FKBP6: variants seen among roughly 807,000 people sequenced by gnomAD.
FKBP6 encodes FKBP prolyl isomerase family member 6 (inactive), also known as inactive peptidyl-prolyl cis-trans isomerase FKBP6.
A neutral mutation model predicts 41.7 loss-of-function variants in FKBP6; 29 were observed. The observed-to-expected ratio is 0.70, with a 90% CI of 0.52 to 0.95. FKBP6 has a LOEUF of 0.95. FKBP6 is among the 40% of genes least tolerant of loss of function. The pLI is 0.00. For missense variants in FKBP6, 338 were observed against 408.7 expected, an observed-to-expected ratio of 0.83 and a Z score of 1.49; for synonymous variants, 130 against 165.1, an observed-to-expected ratio of 0.79 and a Z score of 1.63.
chr7:73,345,880 T>C (rs1240512976), intron 8 of FKBP6, among the ~76,000 whole-genome samples: 1 of 152,100 alleles, frequency 6.6e-6, no homozygotes, highest in Non-Finnish European at 1.5e-5. Context: ...TCCACGGGGC[T>C]GTGGGGCATC....
intron 5 of FKBP6, among the ~76,000 whole-genome samples, chr7:73,334,854 T>C (rs1273398486): frequency 3.9e-5 from 6 of 152,162 alleles, no homozygotes; most frequent in African/African-American, 1.2e-4. Flanking sequence ...AGTAGAGGCA[T>C]GCAAGCTAGG....
rs1804851146 is a variant in FKBP6, at chr7:73,331,742, A to G, written c.554A>G (p.Asn185Ser). 1 of 1,613,604 alleles carries G rather than the reference A, an allele frequency of 6.2e-7. No individual in the cohort carries two copies. Among genetic ancestry groups the G allele is most frequent in the African/African-American group, 1.3e-5 (1 of 75,024 alleles). ...REFGNYLFRQ[N>S]RFYDAKVRYK... is the part of the protein sequence containing the mutation. ...TTTGGCAACTACCTTTTCCGCCAGA[A>G]TCGTTTCTATGATGCCAAAGTGAGA... Residue 185 changes from asparagine (N) to serine (S), a missense_variant, in exon 5 of 9, where the codon AAT becomes AGT. Coordinates refer to ENST00000252037, the MANE Select transcript of FKBP6 (RefSeq NM_003602.5).
intron 8 of FKBP6, among the ~76,000 whole-genome samples, chr7:73,349,582 C>T (rs1415678077): frequency 3.4e-5 from 5 of 146,118 alleles, no homozygotes; most frequent in South Asian, 2.2e-4. Flanking sequence ...GGCGTGGTGG[C>T]GCACATCTGT....
intron 4 of FKBP6, 129 bp downstream of exon 4, chr7:73,330,481 G>T (rs1009031625): frequency 6.8e-6 from 5 of 733,242 alleles, no homozygotes; most frequent in Non-Finnish European, 1.2e-5. Flanking sequence ...GCTCCTGTGC[G>T]GTGGCGGCGG....
At chr7:73,353,007 G>A (rs1419563490) in intron 8 of FKBP6, among the ~76,000 whole-genome samples, 9 of 152,182 alleles carry the variant, frequency 5.9e-5, no homozygotes, top group Admixed American at 4.6e-4. Flanking sequence ...TAGAGAGGCT[G>A]CCTGCATTTC....
Position 73,328,327 on chromosome 7 carries a change from C to A in FKBP6, c.-102C>A. ...AATGCCGCCGTCGGTAGGGGTCTGC[C>A]GGGCATAAAGGGGCCTTCGGAACCC... is the stretch of plus-strand genomic sequence containing the variant. On this transcript the variant is annotated 5_prime_UTR_variant, in exon 1 of 9. Transcript: ENST00000252037. 6.5e-7 allele frequency: 1 copy of A among 1,549,936 alleles called. No individual in the cohort carries two copies. The highest frequency in any genetic ancestry group is 8.7e-7 in the Non-Finnish European group (1 of 1,146,978).
At chr7:73,349,846 G>A (rs868976692) in intron 8 of FKBP6, among the ~76,000 whole-genome samples, 1 of 152,070 alleles carries the variant, frequency 6.6e-6, no homozygotes, top group Admixed American at 6.6e-5. Flanking sequence ...TGTTCTTTCT[G>A]GCACAATTGG....
At position 73,332,877 on chromosome 7, in the gene FKBP6, T is replaced by C. The variant is rs552245067; in HGVS notation, c.588+1101T>C. Among the ~76,000 whole-genome samples the C allele has an allele frequency of 7.9e-5, 12 of 152,364 alleles. No individual in the cohort carries two copies. In the East Asian group the frequency reaches 2.3e-3, roughly 29 times the overall value. On this transcript the variant is annotated intron_variant, in intron 5 of 8. Transcript: ENST00000252037. ...ACAGTGGAGGCTCATTTGGCGATTC[T>C]AGCCTGAGGCAATTGCAGCCTCATC...
At chr7:73,336,313 A>G (rs1805002981) in intron 5 of FKBP6, among the ~76,000 whole-genome samples, 3 of 152,210 alleles carry the variant, frequency 2.0e-5, no homozygotes, top group African/African-American at 7.2e-5. Flanking sequence ...ATCAGAACCT[A>G]TTCAGGCCAC....
At chr7:73,344,806 A>G (rs1318786213) in intron 8 of FKBP6, among the ~76,000 whole-genome samples, 1 of 152,206 alleles carries the variant, frequency 6.6e-6, no homozygotes, top group African/African-American at 2.4e-5. Context: ...GCTGGTCTCA[A>G]ACTCCTGACC....
At chr7:73,328,554 C>A (rs1201409671) in intron 1 of FKBP6, 21 bp from the exon 2 acceptor site, 24 of 1,576,342 alleles carry the variant, frequency 1.5e-5, no homozygotes, top group African/African-American at 2.7e-5. Context: ...GCTCTGAGGC[C>A]TGGCTTTCAT....
chr7:73,354,323 G>T (rs1805569004), intron 8 of FKBP6, among the ~76,000 whole-genome samples: 3 of 152,246 alleles, frequency 2.0e-5, no homozygotes, highest in African/African-American at 4.8e-5. Flanking sequence ...AGCTGGGCTG[G>T]TGGAGCACGA....
At chr7:73,340,603 T>C in intron 5 of FKBP6, 35 bp from the exon 6 acceptor site, 2 of 1,572,180 alleles carry the variant, frequency 1.3e-6, no homozygotes, top group Non-Finnish European at 1.7e-6. Flanking sequence ...ATAAGACTGT[T>C]ACTCCTCTTG....
intron 8 of FKBP6, among the ~76,000 whole-genome samples, chr7:73,344,451 C>T (rs1805281434): frequency 6.6e-6 from 1 of 152,234 alleles, no homozygotes; most frequent in African/African-American, 2.4e-5. Flanking sequence ...ATTGCCACTG[C>T]TGTCACAGTT....
At chr7:73,352,433 G>A (rs1195974149) in intron 8 of FKBP6, among the ~76,000 whole-genome samples, 1 of 152,226 alleles carries the variant, frequency 6.6e-6, no homozygotes, top group Non-Finnish European at 1.5e-5. Flanking sequence ...TGTACAGGTA[G>A]TGAGTGAAAG....
Position 73,340,664 on chromosome 7 carries a change from A to C in FKBP6, c.615A>C (p.Ser205=), listed in dbSNP as rs1271154437. ...CCCTATTGCTTCTGCGCCGGCGATC[A>C]GCACCCCCTGAAGAGCAGCACCTGG... ...KRALLLLRRR[S]APPEEQHLVE... Residue 205 remains serine, a synonymous_variant, in exon 6 of 9, where the codon TCA becomes TCC. Transcript: ENST00000252037. 1.2e-6 allele frequency: 2 copies of C among 1,613,732 alleles called. No individual in the cohort carries two copies. Among genetic ancestry groups the C allele is most frequent in the South Asian group, 2.2e-5 (2 of 91,054 alleles).
chr7:73,351,786 C>A (rs1554551160), intron 8 of FKBP6, among the ~76,000 whole-genome samples: 1 of 152,156 alleles, frequency 6.6e-6, no homozygotes, highest in Non-Finnish European at 1.5e-5. Flanking sequence ...CTACTAAGTT[C>A]AATCCTGGAG....
At chr7:73,340,458 A>T (rs1175981123) in intron 5 of FKBP6, among the ~76,000 whole-genome samples, 180 bp from the exon 6 acceptor site, 1 of 152,212 alleles carries the variant, frequency 6.6e-6, no homozygotes, top group Non-Finnish European at 1.5e-5. Context: ...CTGGCGACAG[A>T]ACAAGACTCC....
chr7:73,338,631 C>T (rs1554548926), intron 5 of FKBP6, among the ~76,000 whole-genome samples: 2 of 152,168 alleles, frequency 1.3e-5, no homozygotes, highest in African/African-American at 4.8e-5. Flanking sequence ...CACATCTTCA[C>T]CAACACTTAT....
Sources: allele counts gnomAD v4.1 joint callset (sites outside exome capture counted in the v4.1 genomes callset), GRCh38; gene constraint gnomAD v4.1.1; transcripts MANE v1.5; gene names NCBI Gene and HGNC (gene_info 2026-07-23, HGNC 2026-07-21).